ILRUN: variants seen among roughly 807,000 people sequenced by gnomAD.
ILRUN encodes protein ILRUN.
A neutral mutation model predicts 33.8 loss-of-function variants in ILRUN; 3 were observed. That is an observed-to-expected ratio of 0.09 (90% confidence interval 0.04 to 0.23). The LOEUF is 0.23. ILRUN is among the 10% of genes least tolerant of loss of function. The probability of loss-of-function intolerance (pLI) is 1.00; values close to 1 mark genes in which losing one functional copy is unlikely to be tolerated. For missense variants in ILRUN, 210 were observed against 375.1 expected (o/e 0.56, Z 3.64); for synonymous variants, 124 against 138.9 (o/e 0.89, Z 0.75).
intron 1 of ILRUN, among the ~76,000 whole-genome samples, chr6:34,674,735 CCCTTTAAAAACA>C (rs1313230475): frequency 5.9e-5 from 9 of 152,000 alleles, no homozygotes; most frequent in African/African-American, 1.7e-4. Flanking sequence ...AATGTACTTC[CCCTTTAAAAACA>C]CCTTTAAGTA....
chr6:34,664,323 A>C (rs1257476670), intron 1 of ILRUN, among the ~76,000 whole-genome samples: 1 of 152,184 alleles, frequency 6.6e-6, no homozygotes, highest in Non-Finnish European at 1.5e-5. Context: ...TAAAGACTGC[A>C]ATGAAAATGG....
chr6:34,623,154 G>C (rs1762042563), intron 3 of ILRUN, among the ~76,000 whole-genome samples: 1 of 152,170 alleles, frequency 6.6e-6, no homozygotes, highest in South Asian at 2.1e-4. Context: ...AATTCTAGAG[G>C]TGAATAGTGG....
intron 1 of ILRUN, among the ~76,000 whole-genome samples, chr6:34,661,583 A>T (rs1762887550): frequency 6.6e-6 from 1 of 152,236 alleles, no homozygotes; most frequent in Non-Finnish European, 1.5e-5. Context: ...CACTGCAAAC[A>T]TCTAGATAAA....
intron 1 of ILRUN, among the ~76,000 whole-genome samples, chr6:34,675,501 TAAAG>T (rs975641838): frequency 3.9e-5 from 6 of 152,014 alleles, no homozygotes; most frequent in African/African-American, 1.5e-4. Flanking sequence ...TGTGCAGTCA[TAAAG>T]AAAACAGAAG....
intron 3 of ILRUN, among the ~76,000 whole-genome samples, chr6:34,645,219 T>C (rs1436341556): frequency 2.0e-5 from 3 of 152,208 alleles, no homozygotes; most frequent in African/African-American, 7.2e-5. Flanking sequence ...TACTATTTAC[T>C]ATTTATTTGT....
intron 1 of ILRUN, among the ~76,000 whole-genome samples, chr6:34,658,674 G>A (rs568765484): frequency 2.4e-4 from 36 of 151,984 alleles, no homozygotes; most frequent in African/African-American, 6.0e-4. Flanking sequence ...GGGCATGGTC[G>A]TGGGCGCCTG....
rs189786147 is a variant in ILRUN, at chr6:34,595,247, T to C, written c.862-4647A>G. ...TGATGTGGTTATCACTTATCTTATG[T>C]GAGGGTAAACCTGCAATATCTTAGA... On this transcript the variant is annotated intron_variant, in intron 4 of 4. Transcript: ENST00000374023. Among the ~76,000 whole-genome samples the C allele has an allele frequency of 3.7e-3, 562 of 152,370 alleles. 3 individuals are homozygous for C. The highest frequency in any genetic ancestry group is 5.7e-3 in the Non-Finnish European group (388 of 68,038).
chr6:34,612,819 G>A (rs1761785489), intron 3 of ILRUN, among the ~76,000 whole-genome samples: 1 of 152,166 alleles, frequency 6.6e-6, no homozygotes, highest in Admixed American at 6.5e-5. Flanking sequence ...AAGGCGGGCG[G>A]ATCATGAGGT....
intron 3 of ILRUN, among the ~76,000 whole-genome samples, chr6:34,639,249 G>A (rs980941157): frequency 6.6e-6 from 1 of 152,164 alleles, no homozygotes; most frequent in African/African-American, 2.4e-5. Flanking sequence ...TTATTTACTC[G>A]ATATGTCAAA....
intron 3 of ILRUN, among the ~76,000 whole-genome samples, chr6:34,632,951 A>AT (rs1762278429): frequency 6.6e-6 from 1 of 152,236 alleles, no homozygotes; most frequent in African/African-American, 2.4e-5. Flanking sequence ...CAAACATTTC[A>AT]ATAATTATAT....
At chr6:34,629,195 G>A (rs144650320) in intron 3 of ILRUN, among the ~76,000 whole-genome samples, 12 of 152,286 alleles carry the variant, frequency 7.9e-5, no homozygotes, top group Non-Finnish European at 1.6e-4. Flanking sequence ...GCTTTCTGTT[G>A]CAGAAGTTTA....
intron 1 of ILRUN, among the ~76,000 whole-genome samples, chr6:34,669,223 G>A (rs929423485): frequency 3.3e-5 from 5 of 151,426 alleles, no homozygotes; most frequent in South Asian, 2.1e-4. Flanking sequence ...TCCTGGGCTC[G>A]AGTGATCCTC....
At chr6:34,679,010 G>C (rs1162631225) in intron 1 of ILRUN, among the ~76,000 whole-genome samples, 2 of 151,742 alleles carry the variant, frequency 1.3e-5, no homozygotes, top group African/African-American at 4.8e-5. Flanking sequence ...TGGGAGGAGG[G>C]TGAGGATCGA....
intron 3 of ILRUN, among the ~76,000 whole-genome samples, chr6:34,632,587 T>C (rs1305088518): frequency 6.8e-6 from 1 of 146,724 alleles, no homozygotes; most frequent in Non-Finnish European, 1.5e-5. Flanking sequence ...GGAGTCTCGC[T>C]CTGTCACCCA....
chr6:34,631,535 G>A (rs572578580), intron 3 of ILRUN, among the ~76,000 whole-genome samples: 1 of 152,016 alleles, frequency 6.6e-6, no homozygotes, highest in Non-Finnish European at 1.5e-5. Flanking sequence ...CACCAAGTTG[G>A]CCAGGCTGGT....
At chr6:34,637,864 C>CTGCTGCTGTTGTTGTTGTTGT (rs749114775) in intron 3 of ILRUN, among the ~76,000 whole-genome samples, 269 of 142,014 alleles carry the variant, frequency 1.9e-3, no homozygotes, top group African/African-American at 5.9e-3. Context: ...GCTGCTGCTG[C>CTGCTGCTGTTGTTGTTGTTGT]TGTTGTTGTT....
At chr6:34,690,756 G>A (rs898929963) in intron 1 of ILRUN, among the ~76,000 whole-genome samples, 12 of 146,890 alleles carry the variant, frequency 8.2e-5, no homozygotes, top group African/African-American at 2.3e-4. Flanking sequence ...AAACACAAAC[G>A]AAAAAGGCTT....
intron 1 of ILRUN, among the ~76,000 whole-genome samples, chr6:34,683,430 A>ACG (rs1491188262): frequency 1.3e-5 from 1 of 78,822 alleles, no homozygotes; most frequent in Non-Finnish European, 2.6e-5. Flanking sequence ...ATATATATAC[A>ACG]TATATATATA....
At position 34,588,031 on chromosome 6, in the gene ILRUN, G is replaced by C; in HGVS notation, c.*2534C>G. Reference sequence around the variant, plus strand: ...TAGCCACTACCACCCCACTAGGCAGGGGAGCAGAGAGGGGCCCTAGGCATT... The same window carrying C: ...TAGCCACTACCACCCCACTAGGCAGCGGAGCAGAGAGGGGCCCTAGGCATT... On this transcript the variant is annotated 3_prime_UTR_variant, in exon 5 of 5. Coordinates refer to ENST00000374023, the MANE Select transcript of ILRUN (RefSeq NM_024294.4). 1 of 398,742 alleles carries C rather than the reference G, an allele frequency of 2.5e-6. No homozygotes were observed. Among genetic ancestry groups the C allele is most frequent in the Admixed American group, 4.4e-5 (1 of 22,732 alleles). The allele number at this position is 398,742 out of a possible 1,614,324, so 24.7% of individuals were successfully genotyped here.
Sources: allele counts gnomAD v4.1 joint callset (sites outside exome capture counted in the v4.1 genomes callset), GRCh38; gene constraint gnomAD v4.1.1; transcripts MANE v1.5; gene names NCBI Gene and HGNC (gene_info 2026-07-23, HGNC 2026-07-21).